PLXNB1: variants seen among roughly 807,000 people sequenced by gnomAD.
The protein encoded by PLXNB1 is plexin-B1.
In PLXNB1, 106 loss-of-function variants were observed where a neutral mutation model predicts 209.4. The ratio of observed to expected loss-of-function variants is 0.51; its 90% CI spans 0.43 to 0.59. PLXNB1 has a LOEUF of 0.59. Ranked by LOEUF, PLXNB1 falls within the 20% of genes least tolerant of loss-of-function variation. The pLI is 0.00. For missense variants in PLXNB1, 2,357 were observed against 2,853.2 expected (o/e 0.83, Z 3.96); for synonymous variants, 1,167 against 1,183.2 (o/e 0.99, Z 0.28).
Position 48,410,764 on chromosome 3 carries a change from G to T in PLXNB1, c.5416+104C>A. ...AAAGCCAGCTTCTGCCTGCCTCCCA[G>T]CATCCTCCCCACCCTGAGTGATGAG... On this transcript the variant is annotated intron_variant, in intron 29 of 37. Transcript: ENST00000296440. This position sits in a 1 kb window ranked among gnomAD's most constrained non-coding sequence, Gnocchi z 6.4. 1 of 1,214,076 alleles carries T rather than the reference G, an allele frequency of 8.2e-7. No homozygotes were observed. Among genetic ancestry groups the T allele is most frequent in the Non-Finnish European group, 1.2e-6 (1 of 868,544 alleles). The allele number at this position is 1,214,076 out of a possible 1,614,324, so 75.2% of individuals were successfully genotyped here. A position where few individuals can be genotyped will look rare whatever the true frequency, so the allele number is the denominator to read the frequency against.
chr3:48,421,091 T>C, intron 8 of PLXNB1, 135 bp from the exon 9 acceptor site: 1 of 1,284,036 alleles, frequency 7.8e-7, no homozygotes, highest in East Asian at 2.3e-5. Context: ...GAATGGAGGC[T>C]TCAGGTGGTT....
chr3:48,421,711 AT>A lies in PLXNB1; in HGVS notation c.1615del (p.Met539Ter). 1.2e-6 allele frequency: 2 copies of A among 1,609,730 alleles called. No homozygotes were observed. The highest frequency in any genetic ancestry group is 1.7e-6 in the Non-Finnish European group (2 of 1,176,516). ...CTCTCGGCTGATGTTGGCAGGACTCATGGCTGCCACTTGCAGACAGCCCAGC... is the reference window on the plus strand; with the variant it reads ...CTCTCGGCTGATGTTGGCAGGACTCAGGCTGCCACTTGCAGACAGCCCAGC... ...PELGCLQVAA[M>X]SPANISREET... On this transcript the variant is annotated frameshift_variant, in exon 7 of 38. Transcript: ENST00000296440. LOFTEE classifies it high-confidence loss of function.
Position 48,416,057 on chromosome 3 carries a change from C to T in PLXNB1, c.3591G>A (p.Val1197=). The T allele has an allele frequency of 6.2e-7, 1 of 1,602,588 alleles. No homozygotes were observed. The highest frequency in any genetic ancestry group is 1.1e-5 in the South Asian group (1 of 88,960). The change falls in exon 18 of 38, where the codon GTG becomes GTA. Residue 1197 remains valine, a synonymous_variant. Transcript: ENST00000296440. This position sits in a 1 kb window ranked among gnomAD's most constrained non-coding sequence, Gnocchi z 4.1. ...LLTGRLEDIR[V]VVGDQPCHLL... is the part of the protein sequence containing the mutation. ...AGTGACAAGGCTGGTCTCCAACCAC[C>T]ACTCGGATGTCCTCCAGCCGCCCAG...
chr3:48,413,234 A>C lies in PLXNB1; in HGVS notation c.4536-65T>G, dbSNP rs2037821596. 3.9e-6 allele frequency: 5 copies of C among 1,273,992 alleles called. No individual in the cohort carries two copies. The highest frequency in any genetic ancestry group is 1.5e-5 in the African/African-American group (1 of 68,676). The allele number at this position is 1,273,992 out of a possible 1,614,324, so 78.9% of individuals were successfully genotyped here. On this transcript the variant is annotated intron_variant, in intron 23 of 37. Coordinates refer to ENST00000296440, the MANE Select transcript of PLXNB1 (RefSeq NM_001130082.3). This position sits in a 1 kb window ranked among gnomAD's most constrained non-coding sequence, Gnocchi z 5.4. ...TCCTACTCGCCCAGGCCTGCCTGAC[A>C]ATCCCCAGGCACACCCCGGCCTCAT...
chr3:48,409,514 G>C lies in PLXNB1; in HGVS notation c.5940-38C>G. 1 of 1,614,026 alleles carries C rather than the reference G, an allele frequency of 6.2e-7. No individual in the cohort carries two copies. Among genetic ancestry groups the C allele is most frequent in the Non-Finnish European group, 8.5e-7 (1 of 1,179,950 alleles). ...CAGGCATGGCCGATGAATGTGCTGG[G>C]GAGGCAGAAGAGAAGACCCCCCACA... On this transcript the variant is annotated intron_variant, in intron 33 of 37. Transcript: ENST00000296440. This position sits in a 1 kb window ranked among gnomAD's most constrained non-coding sequence, Gnocchi z 5.8.
In PLXNB1 at chr3:48,407,011, C is replaced by A. The variant is rs1247382147; in HGVS notation, c.6152+16G>T. 6.2e-7 allele frequency: 1 copy of A among 1,613,794 alleles called. No individual in the cohort carries two copies. The highest frequency in any genetic ancestry group is 2.2e-5 in the East Asian group (1 of 44,862). ...GCACACGCCCTCCAACCTCTACCCA[C>A]CGTGCCCTCCAGTACCTTTCCACCA... is the stretch of plus-strand genomic sequence containing the variant. On this transcript the variant is annotated intron_variant, in intron 35 of 37. Transcript: ENST00000296440.
Position 48,424,632 on chromosome 3 carries a change from G to A in PLXNB1, c.-6-15C>T. 3.3e-6 allele frequency: 5 copies of A among 1,532,816 alleles called. No individual in the cohort carries two copies. The highest frequency in any genetic ancestry group is 4.4e-6 in the Non-Finnish European group (5 of 1,144,626). 95.0% of individuals were successfully genotyped at this position (1,532,816 alleles called of 1,614,324 possible). A position where few individuals can be genotyped will look rare whatever the true frequency, so the allele number is the denominator to read the frequency against. On this transcript the variant is annotated splice_polypyrimidine_tract_variant and intron_variant, in intron 2 of 37. Coordinates refer to ENST00000296440, the MANE Select transcript of PLXNB1 (RefSeq NM_001130082.3). ...GGCATGGTCACCTGGCAGGAAGAGAGGTCGAGAGAGTGGGGCTCACGTGGC... is the reference window on the plus strand; with the variant it reads ...GGCATGGTCACCTGGCAGGAAGAGAAGTCGAGAGAGTGGGGCTCACGTGGC...
chr3:48,418,021 G>A lies in PLXNB1; in HGVS notation c.3264C>T (p.Val1088=). 6.2e-7 allele frequency: 1 copy of A among 1,613,522 alleles called. No individual in the cohort carries two copies. The highest frequency in any genetic ancestry group is 1.1e-5 in the South Asian group (1 of 91,082). ...GGCCCAGGTTGGAGCCCCTGATGGT[G>A]ACACGGGTGCCTCCGTCTACAGGCC... ...LTGPVDGGTR[V]TIRGSNLGQH... Residue 1088 remains valine, a synonymous_variant, in exon 16 of 38, where the codon GTC becomes GTT. Coordinates refer to ENST00000296440, the MANE Select transcript of PLXNB1 (RefSeq NM_001130082.3). This position sits in a 1 kb window ranked among gnomAD's most constrained non-coding sequence, Gnocchi z 6.6.
intron 37 of PLXNB1, 69 bp from the exon 38 acceptor site, chr3:48,404,659 C>A (rs915519731): frequency 1.2e-5 from 13 of 1,045,278 alleles, no homozygotes; most frequent in Admixed American, 2.2e-5. Context: ...AATTCAACAG[C>A]CCTCCTAAGA....
chr3:48,422,888 C>T lies in PLXNB1; in HGVS notation c.1167G>A (p.Arg389=), dbSNP rs2038626225. The T allele has an allele frequency of 6.2e-7, 1 of 1,614,144 alleles. No individual in the cohort carries two copies. Among genetic ancestry groups the T allele is most frequent in the Non-Finnish European group, 8.5e-7 (1 of 1,180,004 alleles). The stretch of plus-strand genomic sequence containing the variant: ...GAATTGGTGTGGCTTCCAGCGGGAC[C>T]CGGCTGGCCATGGGGCTGGGCGTGT... ...SDHTPSPMAS[R]VPLEATPILE... The change falls in exon 4 of 38, where the codon CGG becomes CGA. Residue 389 remains arginine, a synonymous_variant. Coordinates refer to ENST00000296440, the MANE Select transcript of PLXNB1 (RefSeq NM_001130082.3).
Position 48,418,286 on chromosome 3 carries a change from A to G in PLXNB1, c.3127T>C (p.Trp1043Arg), listed in dbSNP as rs1442163748. Residue 1043 changes from tryptophan to arginine, a missense_variant, in exon 15 of 38, where the codon TGG (tryptophan) becomes CGG (arginine). Transcript: ENST00000296440. This position sits in a 1 kb window ranked among gnomAD's most constrained non-coding sequence, Gnocchi z 6.6. ...QTAMPQYGCV[W>R]CEGERPRCVT... ...CAACGTGGACGCTCCCCCTCACACCACACACAGCCATACTGGGGCATGGCA... is the reference window on the plus strand; with the variant it reads ...CAACGTGGACGCTCCCCCTCACACCGCACACAGCCATACTGGGGCATGGCA... The G allele has an allele frequency of 6.2e-7, 1 of 1,613,640 alleles. No individual in the cohort carries two copies. The highest frequency in any genetic ancestry group is 8.5e-7 in the Non-Finnish European group (1 of 1,180,016).
rs1452104456 is a variant in PLXNB1 at position 48,423,715 on chromosome 3, C to G, written c.897G>C (p.Ser299=). The G allele has an allele frequency of 5.0e-6, 8 of 1,613,596 alleles. No individual in the cohort carries two copies. The highest frequency in any genetic ancestry group is 6.8e-6 in the Non-Finnish European group (8 of 1,179,898). ...GCCGGCCCACAGTGGGGGGTGCAGC[C>G]GAGGAGAAAGCTGCAAAGAGCACCT... ...HGEVLFAAFS[S]AAPPTVGRPP... The change falls in exon 3 of 38, where the codon TCG becomes TCC. Residue 299 remains serine (S), a synonymous_variant. Transcript: ENST00000296440.
intron 2 of PLXNB1, 46 bp from the exon 3 acceptor site, chr3:48,424,663 G>C: frequency 6.6e-7 from 1 of 1,516,600 alleles, no homozygotes; most frequent in Non-Finnish European, 8.8e-7. Flanking sequence ...GTGGCCGCCA[G>C]AGCACCCTGG....
intron 34 of PLXNB1, among the ~76,000 whole-genome samples, chr3:48,407,572 G>A (rs2037391269): frequency 1.3e-5 from 2 of 152,168 alleles, no homozygotes; most frequent in African/African-American, 4.8e-5. Context: ...ACTGAACTGG[G>A]TTCAAGTCCC....
chr3:48,405,658 A>G lies in PLXNB1; in HGVS notation c.6303+66T>C. ...AGCCCCCAACGTGAGTCACAGGGTC[A>G]GAGCCCCTTAAGTCTCCTGGGAGGC... On this transcript the variant is annotated intron_variant, in intron 37 of 37. Transcript: ENST00000296440. This position sits in a 1 kb window ranked among gnomAD's most constrained non-coding sequence, Gnocchi z 5.0. 3.1e-6 allele frequency: 4 copies of G among 1,277,740 alleles called. No individual in the cohort carries two copies. In the South Asian group the frequency reaches 4.9e-5, roughly 16 times the overall value. The allele number at this position is 1,277,740 out of a possible 1,614,324, so 79.2% of individuals were successfully genotyped here.
intron 2 of PLXNB1, among the ~76,000 whole-genome samples, 173 bp downstream of exon 2, chr3:48,425,108 T>C (rs1023320496): frequency 1.3e-5 from 2 of 152,226 alleles, no homozygotes; most frequent in Non-Finnish European, 2.9e-5. Context: ...TGCAGGGCCT[T>C]TCAGGCCAGG....
In PLXNB1 at chr3:48,424,023, C is replaced by T; in HGVS notation, c.589G>A (p.Ala197Thr). 13 of 1,608,872 alleles carry T rather than the reference C, an allele frequency of 8.1e-6. No homozygotes were observed. The highest frequency in any genetic ancestry group is 1.1e-5 in the Non-Finnish European group (13 of 1,177,014). The change falls in exon 3 of 38, where the codon GCC becomes ACC. Residue 197 changes from alanine (A) to threonine (T), a missense_variant. Ala to Thr is a moderately conservative substitution (Grantham distance 58). Around this residue, in one of 7 missense-constraint regions of PLXNB1, gnomAD observed 404 missense variants for 443.6 expected, o/e 0.91. Transcript: ENST00000296440. The stretch of plus-strand genomic sequence containing the variant: ...TTGGCTGTCTCCTCATAGGAGAAGG[C>T]AGCTTGGGGGTCGGGCGGCCACAGG... ...RALWPPDPQA[A>T]FSYEETAKLA...
At position 48,408,051 on chromosome 3, in the gene PLXNB1, G is replaced by A. The variant is rs1423845000; in HGVS notation, c.6088-960C>T. Among the ~76,000 whole-genome samples, 4 of 152,154 alleles carry A rather than the reference G, an allele frequency of 2.6e-5. 1 individual carries two copies. The East Asian group carries it at 7.7e-4, about 29-fold the overall frequency. Reference sequence around the variant, plus strand: ...AGACAGGGTCTCGCTCTGTTACCCAGGCTGAAGTGCAGTGAACAGAGTAGT... The same window carrying A: ...AGACAGGGTCTCGCTCTGTTACCCAAGCTGAAGTGCAGTGAACAGAGTAGT... On this transcript the variant is annotated intron_variant, in intron 34 of 37. Transcript: ENST00000296440.
Position 48,406,982 on chromosome 3 carries a change from A to C in PLXNB1, c.6152+45T>G, listed in dbSNP as rs2037352947. 1 of 1,609,692 alleles carries C rather than the reference A, an allele frequency of 6.2e-7. No homozygotes were observed. The highest frequency in any genetic ancestry group is 1.1e-5 in the South Asian group (1 of 91,004). On this transcript the variant is annotated intron_variant, in intron 35 of 37. Coordinates refer to ENST00000296440, the MANE Select transcript of PLXNB1 (RefSeq NM_001130082.3). The surrounding 1 kb of genome is among the most constrained non-coding windows in gnomAD (Gnocchi z 4.4). ...AACCAGAGCCCACCCCCCAAGCCTC[A>C]GCTGCACACGCCCTCCAACCTCTAC... is the stretch of plus-strand genomic sequence containing the variant.
Sources: gnomAD v4.1 joint callset for allele counts (sites outside exome capture counted in the v4.1 genomes callset) on GRCh38, gnomAD v4.1.1 for gene constraint, gnomAD v4.1.1 regional missense constraint, Gnocchi (gnomAD v3.1) non-coding constraint, MANE v1.5 for transcripts, NCBI Gene and HGNC (gene_info 2026-07-23, HGNC 2026-07-21) for gene names.